Variants in RRP8 observed in about 807,000 individuals in gnomAD.
The protein encoded by RRP8 is ribosomal RNA-processing protein 8.
RRP8 carries 48 observed loss-of-function variants against 45.0 expected under a neutral mutation model. The observed-to-expected ratio is 1.07, with a 90% confidence interval of 0.85 to 1.36. RRP8 has a LOEUF of 1.36. Ranked by LOEUF, RRP8 falls within the 40% of genes most tolerant of loss-of-function variation. The probability of loss-of-function intolerance (pLI) is 0.00; values close to 1 mark genes in which losing one functional copy is unlikely to be tolerated. For synonymous variants in RRP8, 274 were observed against 212.4 expected, an observed-to-expected ratio of 1.29 and a Z score of -2.52; for missense variants, 658 against 573.7, an observed-to-expected ratio of 1.15 and a Z score of -1.50.
Position 6,603,596 on chromosome 11 carries a change from A to C in RRP8, c.-94T>G. 4.1e-6 allele frequency: 3 copies of C among 729,766 alleles called. No homozygotes were observed. Among genetic ancestry groups the C allele is most frequent in the South Asian group, 1.9e-5 (1 of 51,320 alleles). The allele number at this position is 729,766 out of a possible 1,614,324, so 45.2% of individuals were successfully genotyped here. A position where few individuals can be genotyped will look rare whatever the true frequency, so the allele number is the denominator to read the frequency against. On this transcript the variant is annotated 5_prime_UTR_variant, in exon 1 of 7. Coordinates refer to ENST00000254605, the MANE Select transcript of RRP8 (RefSeq NM_015324.4). ...GGAGCGCTCAGACCTGCCAGAACCG[A>C]CCCGGAAACCAAAGCGTGACAGCCA... is the stretch of plus-strand genomic sequence containing the variant.
At position 6,595,380 on chromosome 11, in the gene RRP8, G is replaced by C. The variant is rs2134491603; in HGVS notation, c.*4766C>G. 1 of 152,318 alleles carries C rather than the reference G, an allele frequency of 6.6e-6. No individual in the cohort carries two copies. Among genetic ancestry groups the C allele is most frequent in the Admixed American group, 6.5e-5 (1 of 15,298 alleles). The allele number at this position is 152,318 out of a possible 1,614,324, so 9.4% of individuals were successfully genotyped here. On this transcript the variant is annotated 3_prime_UTR_variant, in exon 7 of 7. Coordinates refer to ENST00000254605, the MANE Select transcript of RRP8 (RefSeq NM_015324.4). ...AAAAGATAGGGGCTGTGGCAATTAAGGAGACTTCCAAGAAGTCTAATACTA... is the reference window on the plus strand; with the variant it reads ...AAAAGATAGGGGCTGTGGCAATTAACGAGACTTCCAAGAAGTCTAATACTA...
Position 6,600,217 on chromosome 11 carries a change from G to A in RRP8, c.1300C>T (p.Pro434Ser), listed in dbSNP as rs772441971. 8 of 1,606,670 alleles carry A rather than the reference G, an allele frequency of 5.0e-6. No homozygotes were observed. Among genetic ancestry groups the A allele is most frequent in the East Asian group, 4.5e-5 (2 of 44,810 alleles). The change falls in exon 7 of 7, where the codon CCC (proline) becomes TCC (serine). Residue 434 changes from proline to serine, a missense_variant. Physicochemically the swap from Pro to Ser is moderately conservative, Grantham distance 74 (BLOSUM62 -1). Transcript: ENST00000254605. ...TGAGCCTTGGGCCCTACCAGAGGGG[G>A]CCCAGTCTTTTGGAAATCAAACAAG... Reference protein sequence around the residue: ...FFLFDFQKTGPPLVGPKAQLS... With the variant: ...FFLFDFQKTGSPLVGPKAQLS...
rs1477975464 is a variant in RRP8, at chr11:6,601,154, G to A, written c.912C>T (p.Arg304=). 6.2e-7 allele frequency: 1 copy of A among 1,613,856 alleles called. No homozygotes were observed. Among genetic ancestry groups the A allele is most frequent in the South Asian group, 1.1e-5 (1 of 91,048 alleles). The change falls in exon 3 of 7, where the codon CGC becomes CGT. Residue 304 remains arginine, a synonymous_variant. Coordinates refer to ENST00000254605, the MANE Select transcript of RRP8 (RefSeq NM_015324.4). ...QPVDRIARDL[R]QRPASLVVAD... is the part of the protein sequence containing the mutation. ...AGTCCCTGACCCCCATTCACCGCTG[G>A]CGAAGATCCCTGGCGATGCGGTCCA...
At chr11:6,600,339 C>A in intron 6 of RRP8, 74 bp from the exon 7 acceptor site, 1 of 1,305,586 alleles carries the variant, frequency 7.7e-7, no homozygotes, top group South Asian at 1.4e-5. Context: ...CTATGTACTG[C>A]CTCTGCTCAC....
rs1321038285 is a variant in RRP8 at position 6,595,650 on chromosome 11, G to A, written c.*4496C>T. The stretch of plus-strand genomic sequence containing the variant: ...TCTCAACTTCCTATTGGGAGTACAT[G>A]TTTTCCCCTGATTTTAAACTCATGG... On this transcript the variant is annotated 3_prime_UTR_variant, in exon 7 of 7. Transcript: ENST00000254605. The A allele has an allele frequency of 6.6e-6, 1 of 152,142 alleles. No homozygotes were observed. Among genetic ancestry groups the A allele is most frequent in the Non-Finnish European group, 1.5e-5 (1 of 68,026 alleles). 9.4% of individuals were successfully genotyped at this position (152,142 alleles called of 1,614,324 possible).
At position 6,603,323 on chromosome 11, in the gene RRP8, C is replaced by T. The variant is rs1169315110; in HGVS notation, c.99+81G>A. 2.9e-6 allele frequency: 3 copies of T among 1,032,118 alleles called. No individual in the cohort carries two copies. In the East Asian group the frequency reaches 8.4e-5, roughly 29 times the overall value. The allele number at this position is 1,032,118 out of a possible 1,614,324, so 63.9% of individuals were successfully genotyped here. ...TAACGGTGCCACAGGTGTCCCTCCC[C>T]GCAATACACACAGCGCTGGGATCCA... is the stretch of plus-strand genomic sequence containing the variant. On this transcript the variant is annotated intron_variant, in intron 1 of 6. Coordinates refer to ENST00000254605, the MANE Select transcript of RRP8 (RefSeq NM_015324.4).
In RRP8 at chr11:6,600,015, G is replaced by C. The variant is rs1200955612; in HGVS notation, c.*131C>G. On this transcript the variant is annotated 3_prime_UTR_variant, in exon 7 of 7. Transcript: ENST00000254605. The stretch of plus-strand genomic sequence containing the variant: ...TTCAGTAGAGCAAGTCTGAGCCAGA[G>C]GTTTTATCACACTTTGTCCTCAGGG... 2 of 574,810 alleles carry C rather than the reference G, an allele frequency of 3.5e-6. No homozygotes were observed. Among genetic ancestry groups the C allele is most frequent in the East Asian group, 5.8e-5 (2 of 34,384 alleles). The allele number at this position is 574,810 out of a possible 1,614,324, so 35.6% of individuals were successfully genotyped here.
rs1347192247 is a variant in RRP8 at position 6,601,228 on chromosome 11, A to G, written c.838T>C (p.Tyr280His). 2 of 1,611,648 alleles carry G rather than the reference A, an allele frequency of 1.2e-6. No individual in the cohort carries two copies. The highest frequency in any genetic ancestry group is 1.7e-5 in the Admixed American group (1 of 59,492). Residue 280 changes from tyrosine to histidine, a missense_variant, in exon 3 of 7, where the codon TAC becomes CAC. Physicochemically the swap from Tyr to His is moderately conservative, Grantham distance 83. Transcript: ENST00000254605. ...FQEDPEAFLL[Y>H]HRGFQSQVKK... is the part of the protein sequence containing the mutation. ...ACTTGGCTCTGGAAGCCGCGGTGGT[A>G]GAGAAGAAAAGCCTCAGGGTCTTCC...
chr11:6,601,760 A>C (rs998843926), intron 2 of RRP8, 92 bp downstream of exon 2: 2 of 1,489,334 alleles, frequency 1.3e-6, no homozygotes, highest in Non-Finnish European at 1.8e-6. Flanking sequence ...CCCCAATCCT[A>C]ATGGCAGTGG....
Position 6,602,006 on chromosome 11 carries a change from G to C in RRP8, c.309C>G (p.Cys103Trp), listed in dbSNP as rs758451843. Residue 103 changes from cysteine (C) to tryptophan (W), a missense_variant, in exon 2 of 7, where the codon TGC (cysteine) becomes TGG (tryptophan). Coordinates refer to ENST00000254605, the MANE Select transcript of RRP8 (RefSeq NM_015324.4). ...TTTCTACTTCTTCCTCAGAGTCACT[G>C]CAAGGTGGGCCCTGTTTTTGACATT... ...KKKCQKQGPP[C>W]SDSEEEVERK... is the part of the protein sequence containing the mutation. 16 of 1,614,012 alleles carry C rather than the reference G, an allele frequency of 9.9e-6. No homozygotes were observed. Among genetic ancestry groups the C allele is most frequent in the Non-Finnish European group, 1.4e-5 (16 of 1,180,018 alleles).
intron 1 of RRP8, among the ~76,000 whole-genome samples, chr11:6,603,167 A>AG: frequency 1.3e-5 from 2 of 152,340 alleles, no homozygotes; most frequent in Middle Eastern, 6.8e-3. Context: ...CTCTTGTCCC[A>AG]GGGCCCTTGT....
Position 6,603,443 on chromosome 11 carries a change from T to C in RRP8, c.60A>G (p.Val20=), listed in dbSNP as rs1176427794. The stretch of plus-strand genomic sequence containing the variant: ...AGGCCGCAGGCGGAGGTCGTGAGAT[T>C]ACGGGCCCAAGGCCCGCGGCTACTG... The part of the protein sequence containing the change: ...AAPVAAGLGP[V]ISRPPPAASS... Residue 20 remains valine, a synonymous_variant, in exon 1 of 7, where the codon GTA becomes GTG. Transcript: ENST00000254605. 6.2e-7 allele frequency: 1 copy of C among 1,605,936 alleles called. No individual in the cohort carries two copies. The highest frequency in any genetic ancestry group is 1.1e-5 in the South Asian group (1 of 89,556).
At position 6,599,746 on chromosome 11, in the gene RRP8, G is replaced by GTGAGCAGAGGAAGCTGATCTGTAGAC. The variant is rs1854296331; in HGVS notation, c.*374_*399dup. The GTGAGCAGAGGAAGCTGATCTGTAGAC allele has an allele frequency of 6.5e-6, 1 of 152,700 alleles. No individual in the cohort carries two copies. Among genetic ancestry groups the GTGAGCAGAGGAAGCTGATCTGTAGAC allele is most frequent in the Admixed American group, 6.5e-5 (1 of 15,304 alleles). 9.5% of individuals were successfully genotyped at this position (152,700 alleles called of 1,614,324 possible). On this transcript the variant is annotated 3_prime_UTR_variant, in exon 7 of 7. Transcript: ENST00000254605. ...GAAGCTGAAGGAGCAGAAGCTATGG[G>GTGAGCAGAGGAAGCTGATCTGTAGAC]TGAGCAGAGGAAGCTGATCTGTAGA...
chr11:6,602,883 T>C (rs557446704), intron 1 of RRP8, among the ~76,000 whole-genome samples: 7 of 152,274 alleles, frequency 4.6e-5, no homozygotes, highest in Non-Finnish European at 7.4e-5. Flanking sequence ...GGCCAGGCAC[T>C]TACCCTGATT....
chr11:6,601,567 G>C lies in RRP8; in HGVS notation c.499C>G (p.Pro167Ala), dbSNP rs1452181550. The C allele has an allele frequency of 8.7e-6, 14 of 1,604,080 alleles. No homozygotes were observed. The highest frequency in any genetic ancestry group is 1.1e-5 in the Non-Finnish European group (13 of 1,179,912). The change falls in exon 3 of 7, where the codon CCA (proline) becomes GCA (alanine). Residue 167 changes from proline (P) to alanine (A), a missense_variant. Physicochemically the swap from Pro to Ala is conservative, Grantham distance 27. Coordinates refer to ENST00000254605, the MANE Select transcript of RRP8 (RefSeq NM_015324.4). ...GTGGACCCAGGGCTTTGCTTTGGTG[G>C]ATCATTTGTAGTACTACCCTTCCAG... is the stretch of plus-strand genomic sequence containing the variant. ...KAWKGSTTND[P>A]PKQSPGSTSP...
rs148726260 is a variant in RRP8 at position 6,601,163 on chromosome 11, C to A, written c.903G>T (p.Arg301Ser). ...WPLQPVDRIA[R>S]DLRQRPASLV... ...CCCCCATTCACCGCTGGCGAAGATCCCTGGCGATGCGGTCCACTGGCTGCA... is the reference window on the plus strand; with the variant it reads ...CCCCCATTCACCGCTGGCGAAGATCACTGGCGATGCGGTCCACTGGCTGCA... Residue 301 changes from arginine (R) to serine (S), a missense_variant, in exon 3 of 7, where the codon AGG (arginine) becomes AGT (serine). Physicochemically the swap from Arg to Ser is moderately radical, Grantham distance 110. Coordinates refer to ENST00000254605, the MANE Select transcript of RRP8 (RefSeq NM_015324.4). The A allele has an allele frequency of 6.2e-7, 1 of 1,613,932 alleles. No homozygotes were observed. Among genetic ancestry groups the A allele is most frequent in the Non-Finnish European group, 8.5e-7 (1 of 1,179,918 alleles).
chr11:6,600,098 G>C lies in RRP8; in HGVS notation c.*48C>G, dbSNP rs1373856856. ...GGCTGGAAACAGTCTTCACAGTTCT[G>C]AGCCTGGAGTTTGAGATCTGCCTCC... On this transcript the variant is annotated 3_prime_UTR_variant, in exon 7 of 7. Coordinates refer to ENST00000254605, the MANE Select transcript of RRP8 (RefSeq NM_015324.4). 9.5e-6 allele frequency: 12 copies of C among 1,261,940 alleles called. No homozygotes were observed. The highest frequency in any genetic ancestry group is 1.3e-5 in the Non-Finnish European group (12 of 907,682). The allele number at this position is 1,261,940 out of a possible 1,614,324, so 78.2% of individuals were successfully genotyped here. A position where few individuals can be genotyped will look rare whatever the true frequency, so the allele number is the denominator to read the frequency against.
rs761914297 is a variant in RRP8 at position 6,602,105 on chromosome 11, TTCC to T, written c.207_209del (p.Glu70del). 66 of 1,612,406 alleles carry T rather than the reference TTCC, an allele frequency of 4.1e-5. No individual in the cohort carries two copies. Among genetic ancestry groups the T allele is most frequent in the South Asian group, 4.4e-5 (4 of 90,970 alleles). On this transcript the variant is annotated inframe_deletion, in exon 2 of 7. Transcript: ENST00000254605. ...CCTTTTTGGGGCATTTCTTCTTCCT[TTCC>T]TCCTCCTCCTCCTCAGAGTCACTTA...
At position 6,595,341 on chromosome 11, in the gene RRP8, T is replaced by C. The variant is rs1021812717; in HGVS notation, c.*4805A>G. 2.0e-5 allele frequency: 3 copies of C among 152,184 alleles called. No homozygotes were observed. Among genetic ancestry groups the C allele is most frequent in the Non-Finnish European group, 4.4e-5 (3 of 68,038 alleles). The allele number at this position is 152,184 out of a possible 1,614,324, so 9.4% of individuals were successfully genotyped here. ...GAGTATTAACAATGTAGAAGGACCCTTGAAACGAAGCCAAAAAGATAGGGG... is the reference window on the plus strand; with the variant it reads ...GAGTATTAACAATGTAGAAGGACCCCTGAAACGAAGCCAAAAAGATAGGGG... On this transcript the variant is annotated 3_prime_UTR_variant, in exon 7 of 7. Transcript: ENST00000254605.
Sources: allele counts gnomAD v4.1 joint callset (sites outside exome capture counted in the v4.1 genomes callset), GRCh38; gene constraint gnomAD v4.1.1; transcripts MANE v1.5; gene names NCBI Gene and HGNC (gene_info 2026-07-23, HGNC 2026-07-21).